Variants in CNTLN observed in about 807,000 individuals in gnomAD.
CNTLN encodes the protein centlein.
In CNTLN, 212 loss-of-function variants were observed where a neutral mutation model predicts 180.0. The observed-to-expected ratio is 1.18, with a 90% CI of 1.05 to 1.32. The LOEUF is 1.32. CNTLN is among the 40% of genes most tolerant of loss of function. The pLI is 0.00. For missense variants in CNTLN, 2,095 were observed against 1,610.9 expected, an observed-to-expected ratio of 1.30 and a Z score of -5.14; for synonymous variants, 722 against 563.1, an observed-to-expected ratio of 1.28 and a Z score of -3.99.
intron 6 of CNTLN, among the ~76,000 whole-genome samples, chr9:17,291,498 G>T (rs973541998): frequency 1.3e-5 from 2 of 152,056 alleles, no homozygotes; most frequent in African/African-American, 2.4e-5. Context: ...CCTGTGTTAG[G>T]TGCATATATA....
intron 12 of CNTLN, among the ~76,000 whole-genome samples, chr9:17,357,734 A>G (rs1418573497): frequency 2.0e-5 from 3 of 151,276 alleles, no homozygotes; most frequent in Non-Finnish European, 4.4e-5. Flanking sequence ...CCATAAGTCA[A>G]TTTTGTCACA....
At chr9:17,244,284 T>G (rs1470396419) in intron 5 of CNTLN, among the ~76,000 whole-genome samples, 2 of 151,930 alleles carry the variant, frequency 1.3e-5, no homozygotes, top group Non-Finnish European at 2.9e-5. Flanking sequence ...CGATCATGGC[T>G]CACTTCAGTC....
rs1299338606 is a variant in CNTLN, at chr9:17,212,674, C to T, written c.450-13529C>T. Among the ~76,000 whole-genome samples the T allele has an allele frequency of 2.6e-5, 4 of 152,148 alleles. No individual in the cohort carries two copies. In the East Asian group the frequency reaches 7.7e-4, roughly 29 times the overall value. The stretch of plus-strand genomic sequence containing the variant: ...CTTCTGGTAGAATTCAGCTGTGAAT[C>T]TATCTGCTCCTGGACTTTTTTGGTT... On this transcript the variant is annotated intron_variant, in intron 2 of 25. Coordinates refer to ENST00000380647, the MANE Select transcript of CNTLN (RefSeq NM_017738.4).
chr9:17,226,321 A>G, intron 3 of CNTLN, 34 bp downstream of exon 3: 8 of 1,231,454 alleles, frequency 6.5e-6, no homozygotes, highest in East Asian at 2.7e-5. Flanking sequence ...TAAATTAACT[A>G]TATTTGTTTT....
intron 12 of CNTLN, among the ~76,000 whole-genome samples, chr9:17,350,490 T>C (rs897651147): frequency 9.9e-5 from 15 of 152,126 alleles, no homozygotes; most frequent in Non-Finnish European, 1.9e-4. Context: ...AAAGCAATAA[T>C]AAGAGAATAT....
At chr9:17,320,175 T>C (rs1414601789) in intron 8 of CNTLN, among the ~76,000 whole-genome samples, 2 of 152,194 alleles carry the variant, frequency 1.3e-5, no homozygotes, top group African/African-American at 4.8e-5. Flanking sequence ...GTCTTGTTGA[T>C]TTTTATTTCT....
At chr9:17,384,345 A>C (rs1183798430) in intron 13 of CNTLN, among the ~76,000 whole-genome samples, 1 of 152,000 alleles carries the variant, frequency 6.6e-6, no homozygotes, top group Non-Finnish European at 1.5e-5. Context: ...CTAGAAAAAG[A>C]TACTTACATC....
chr9:17,522,282 A>T, the CNTLN span, among the ~76,000 whole-genome samples: 1 of 152,152 alleles, frequency 6.6e-6, no homozygotes, highest in East Asian at 1.9e-4. Flanking sequence ...TGGGATGACT[A>T]CCGATTGTCG....
intron 13 of CNTLN, among the ~76,000 whole-genome samples, chr9:17,371,295 G>T (rs1044034861): frequency 6.6e-6 from 1 of 152,042 alleles, no homozygotes; most frequent in African/African-American, 2.4e-5. Context: ...CTCCATGCCA[G>T]TACAAACCAA....
chr9:17,207,525 C>G (rs575741880), intron 2 of CNTLN, among the ~76,000 whole-genome samples: 156 of 152,262 alleles, frequency 1.0e-3, no homozygotes, highest in South Asian at 7.5e-3. Context: ...ACTGCAAAAA[C>G]CGTGGGAAAA....
At chr9:17,513,560 G>A in the CNTLN span, among the ~76,000 whole-genome samples, 1 of 152,092 alleles carries the variant, frequency 6.6e-6, no homozygotes, top group African/African-American at 2.4e-5. Context: ...AGCCTGGTGT[G>A]GTGGCATGCA....
At chr9:17,495,184 A>G (rs1480136534) in intron 25 of CNTLN, among the ~76,000 whole-genome samples, 1 of 151,888 alleles carries the variant, frequency 6.6e-6, no homozygotes, top group Non-Finnish European at 1.5e-5. Context: ...CCAGTCTACT[A>G]TGCTACGCAT....
At chr9:17,203,012 C>G (rs546249464) in intron 2 of CNTLN, among the ~76,000 whole-genome samples, 1 of 152,148 alleles carries the variant, frequency 6.6e-6, no homozygotes, top group African/African-American at 2.4e-5. Flanking sequence ...CCTTCAGGAG[C>G]TCTTGTAAGG....
chr9:17,473,302 T>G (rs1326856789), intron 23 of CNTLN, among the ~76,000 whole-genome samples: 2 of 152,200 alleles, frequency 1.3e-5, no homozygotes, highest in Non-Finnish European at 2.9e-5. Flanking sequence ...CAATCTCAGC[T>G]GCGTCTTTCA....
chr9:17,279,184 C>T (rs542935288), intron 6 of CNTLN, among the ~76,000 whole-genome samples: 1 of 152,056 alleles, frequency 6.6e-6, no homozygotes, highest in African/African-American at 2.4e-5. Context: ...ACCATTTTGA[C>T]TCCCCCCAAT....
At chr9:17,525,937 C>G in the CNTLN span, among the ~76,000 whole-genome samples, 1 of 151,902 alleles carries the variant, frequency 6.6e-6, no homozygotes, top group African/African-American at 2.4e-5. Context: ...TTTTCTATTT[C>G]TATTTTTATT....
At chr9:17,355,743 A>G (rs952180185) in intron 12 of CNTLN, among the ~76,000 whole-genome samples, 5 of 152,194 alleles carry the variant, frequency 3.3e-5, no homozygotes, top group Non-Finnish European at 5.9e-5. Context: ...GATTAATAAG[A>G]TAAGAACTTG....
the CNTLN span, among the ~76,000 whole-genome samples, chr9:17,518,594 C>T: frequency 6.6e-6 from 1 of 152,212 alleles, no homozygotes; most frequent in Admixed American, 6.5e-5. Flanking sequence ...AATGTAGGTA[C>T]AGCTCATGAA....
At chr9:17,317,487 A>G (rs1221917515) in intron 8 of CNTLN, among the ~76,000 whole-genome samples, 1 of 152,160 alleles carries the variant, frequency 6.6e-6, no homozygotes, top group Non-Finnish European at 1.5e-5. Context: ...CTTGGTGATG[A>G]AGAGCTGTTA....
Sources: allele counts gnomAD v4.1 joint callset (sites outside exome capture counted in the v4.1 genomes callset), GRCh38; gene constraint gnomAD v4.1.1; transcripts MANE v1.5; gene names NCBI Gene and HGNC (gene_info 2026-07-23, HGNC 2026-07-21).